The following AGPS variants were observed in gnomAD, a reference collection of about 807,000 sequenced individuals.
The protein encoded by AGPS is alkylglycerone phosphate synthase.
Under a neutral mutation model 90.7 loss-of-function variants are expected in AGPS, and 26 were observed. That is an observed-to-expected ratio of 0.29 (90% confidence interval 0.21 to 0.40). The LOEUF is 0.40. AGPS is among the 10% of genes least tolerant of loss of function. The probability of loss-of-function intolerance (pLI) is 1.00; values close to 1 mark genes in which losing one functional copy is unlikely to be tolerated. For synonymous variants in AGPS, 294 were observed against 285.3 expected, an observed-to-expected ratio of 1.03 and a Z score of -0.31; for missense variants, 540 against 816.1, an observed-to-expected ratio of 0.66 and a Z score of 4.12.
At chr2:177,440,244 CAG>C (rs1469810000) in intron 5 of AGPS, among the ~76,000 whole-genome samples, 2 of 151,902 alleles carry the variant, frequency 1.3e-5, no homozygotes, top group African/African-American at 2.4e-5. Flanking sequence ...TGACAAGAAA[CAG>C]AGTATCCTTA....
chr2:177,510,172 C>G (rs1688829825), intron 16 of AGPS, among the ~76,000 whole-genome samples: 1 of 152,148 alleles, frequency 6.6e-6, no homozygotes, highest in Admixed American at 6.5e-5. Context: ...TTTCTTACAG[C>G]TCTGGAGGCT....
intron 8 of AGPS, among the ~76,000 whole-genome samples, chr2:177,460,549 T>G (rs1559056098): frequency 6.6e-6 from 1 of 152,234 alleles, no homozygotes; most frequent in Non-Finnish European, 1.5e-5. Context: ...AACCTCTCTT[T>G]TCAGTACCTG....
chr2:177,478,276 T>A (rs1236038222), intron 10 of AGPS, among the ~76,000 whole-genome samples: 2 of 152,212 alleles, frequency 1.3e-5, no homozygotes, highest in Admixed American at 1.3e-4. Context: ...TTTTCAAGAT[T>A]TTTCTCTTGC....
intron 3 of AGPS, among the ~76,000 whole-genome samples, chr2:177,436,298 C>T (rs1319641936): frequency 6.6e-6 from 1 of 151,606 alleles, no homozygotes; most frequent in Non-Finnish European, 1.5e-5. Context: ...ACTACAGGCG[C>T]CCGCCACCAC....
intron 6 of AGPS, among the ~76,000 whole-genome samples, chr2:177,441,856 A>T (rs952746): frequency 4.6e-5 from 7 of 152,204 alleles, no homozygotes; most frequent in Admixed American, 1.3e-4. Flanking sequence ...ATTATTCTAT[A>T]TTAAAATCAC....
chr2:177,490,413 G>A (rs1688218600), intron 11 of AGPS, among the ~76,000 whole-genome samples: 1 of 152,042 alleles, frequency 6.6e-6, no homozygotes, highest in Admixed American at 6.5e-5. Context: ...TGAAGTATGA[G>A]ACTTTAAAAC....
chr2:177,440,073 TTAG>T (rs552462632), intron 5 of AGPS, among the ~76,000 whole-genome samples: 64 of 152,286 alleles, frequency 4.2e-4, no homozygotes, highest in African/African-American at 1.3e-3. Flanking sequence ...GGTGCTAAAA[TTAG>T]TAGGTGAAAG....
chr2:177,529,692 A>G (rs2079120474), intron 19 of AGPS, among the ~76,000 whole-genome samples: 1 of 152,164 alleles, frequency 6.6e-6, no homozygotes, highest in Non-Finnish European at 1.5e-5. Flanking sequence ...CATACCACCA[A>G]CCATTTAGTG....
rs539877516 is a variant in AGPS, at chr2:177,496,345, T to C, written c.1286-1344T>C. On this transcript the variant is annotated intron_variant, in intron 12 of 19. Coordinates refer to ENST00000264167, the MANE Select transcript of AGPS (RefSeq NM_003659.4). Reference sequence around the variant, plus strand: ...ATATAAATGTTTATATATGTATTTCTAATTGTTGTTAATATAGGATGAGTT... The same window carrying C: ...ATATAAATGTTTATATATGTATTTCCAATTGTTGTTAATATAGGATGAGTT... 1.1e-4 allele frequency among the ~76,000 whole-genome samples: 16 copies of C among 152,308 alleles called. No individual in the cohort carries two copies. In the Middle Eastern group the frequency reaches 0.01, roughly 97 times the overall value.
At position 177,514,729 on chromosome 2, in the gene AGPS, A is replaced by G. The variant is rs76865738; in HGVS notation, c.1697+821A>G. ...AGTGTTGTGTTTCTTAGTTTTCCTT[A>G]TTGTTCCCATTGGGAAGAGATACCC... On this transcript the variant is annotated intron_variant, in intron 17 of 19. Transcript: ENST00000264167. Among the ~76,000 whole-genome samples the G allele has an allele frequency of 5.7e-3, 859 of 151,802 alleles. 9 individuals carry two copies. The highest frequency in any genetic ancestry group is 0.02 in the African/African-American group (818 of 41,376).
intron 19 of AGPS, among the ~76,000 whole-genome samples, chr2:177,535,168 TA>T (rs1475140537): frequency 1.3e-5 from 2 of 152,140 alleles, no homozygotes; most frequent in African/African-American, 4.8e-5. Context: ...GATTCAGGTC[TA>T]AAAAAGAAGA....
chr2:177,508,979 T>G (rs1177712575), intron 16 of AGPS, among the ~76,000 whole-genome samples: 1 of 152,210 alleles, frequency 6.6e-6, no homozygotes, highest in Non-Finnish European at 1.5e-5. Context: ...TATACTGATA[T>G]TTTACTTTTC....
At chr2:177,407,150 A>C (rs1038691744) in intron 1 of AGPS, among the ~76,000 whole-genome samples, 2 of 152,160 alleles carry the variant, frequency 1.3e-5, no homozygotes, top group African/African-American at 2.4e-5. Context: ...TCATGTTTTA[A>C]ATAGGGGTAA....
intron 1 of AGPS, among the ~76,000 whole-genome samples, chr2:177,406,616 G>C (rs1333534062): frequency 2.0e-5 from 3 of 152,186 alleles, no homozygotes; most frequent in Non-Finnish European, 2.9e-5. Flanking sequence ...CTGTGTTTAA[G>C]AATTGGGATT....
At chr2:177,533,717 A>AGGTT (rs1238838312) in intron 19 of AGPS, among the ~76,000 whole-genome samples, 5 of 152,182 alleles carry the variant, frequency 3.3e-5, no homozygotes, top group Non-Finnish European at 5.9e-5. Context: ...TCCTGGGAAG[A>AGGTT]GGTTGGTTGT....
chr2:177,411,864 A>G (rs1685631150), intron 1 of AGPS, among the ~76,000 whole-genome samples: 3 of 152,126 alleles, frequency 2.0e-5, no homozygotes, highest in Admixed American at 2.0e-4. Flanking sequence ...CAAGGAGCCA[A>G]GGCTTGGAGA....
rs1445597918 is a variant in AGPS, at chr2:177,543,713, G to T, written c.*5518G>T. 1 of 152,204 alleles carries T rather than the reference G, an allele frequency of 6.6e-6. No homozygotes were observed. The highest frequency in any genetic ancestry group is 2.4e-5 in the African/African-American group (1 of 41,462). The allele number at this position is 152,204 out of a possible 1,614,324, so 9.4% of individuals were successfully genotyped here. A position where few individuals can be genotyped will look rare whatever the true frequency, so the allele number is the denominator to read the frequency against. On this transcript the variant is annotated 3_prime_UTR_variant, in exon 20 of 20. Transcript: ENST00000264167. ...GCTCAACACATAGTCAGTATTCCGT[G>T]CTTTCAGTGTGTGTTCAGATTCTCC...
intron 11 of AGPS, among the ~76,000 whole-genome samples, chr2:177,485,211 C>T (rs1688060161): frequency 6.6e-6 from 1 of 152,182 alleles, no homozygotes; most frequent in African/African-American, 2.4e-5. Context: ...CTCTATAGAA[C>T]ACAGATTTAG....
At position 177,493,173 on chromosome 2, in the gene AGPS, T is replaced by C; in HGVS notation, c.1259T>C (p.Leu420Pro). 6.2e-7 allele frequency: 1 copy of C among 1,613,636 alleles called. No homozygotes were observed. Among genetic ancestry groups the C allele is most frequent in the Non-Finnish European group, 8.5e-7 (1 of 1,179,712 alleles). ...KQRCAPASIRLMDNKQFQFGH... is the reference protein window; with the variant it reads ...KQRCAPASIRPMDNKQFQFGH... Reference sequence around the variant, plus strand: ...AGATGTGCTCCGGCATCTATTCGCCTCATGGACAACAAGCAGTTTCAGTTT... The same window carrying C: ...AGATGTGCTCCGGCATCTATTCGCCCCATGGACAACAAGCAGTTTCAGTTT... The change falls in exon 12 of 20, where the codon CTC (leucine) becomes CCC (proline). Residue 420 changes from leucine to proline, a missense_variant. By Grantham distance (98) the Leu-to-Pro change is moderately conservative. Transcript: ENST00000264167.
Sources: allele counts gnomAD v4.1 joint callset (sites outside exome capture counted in the v4.1 genomes callset), GRCh38; gene constraint gnomAD v4.1.1; transcripts MANE v1.5; gene names NCBI Gene and HGNC (gene_info 2026-07-23, HGNC 2026-07-21).